Variants in HLCS observed in about 807,000 individuals in gnomAD.
HLCS encodes holocarboxylase synthetase.
A neutral mutation model predicts 75.0 loss-of-function variants in HLCS; 53 were observed. The ratio of observed to expected loss-of-function variants is 0.71; its 90% confidence interval spans 0.57 to 0.89. The LOEUF is 0.89. Among genes scored for constraint, HLCS ranks in the 40% least tolerant of loss-of-function variants. The pLI is 0.00. For missense variants in HLCS, 966 were observed against 1,074.0 expected, an observed-to-expected ratio of 0.90 and a Z score of 1.41; for synonymous variants, 431 against 428.6, an observed-to-expected ratio of 1.01 and a Z score of -0.07.
At chr21:36,767,167 G>A in intron 7 of HLCS, 51 bp downstream of exon 7, 1 of 1,558,330 alleles carries the variant, frequency 6.4e-7, no homozygotes, top group Non-Finnish European at 8.9e-7. Flanking sequence ...CACAAGAGTT[G>A]CAGAGTTTAG....
intron 6 of HLCS, among the ~76,000 whole-genome samples, chr21:36,783,550 G>A (rs1455269985): frequency 1.3e-5 from 2 of 152,154 alleles, no homozygotes; most frequent in Admixed American, 1.3e-4. Flanking sequence ...GAGCCAGAGG[G>A]TGGTAGGTAG....
Position 36,756,662 on chromosome 21 carries a change from G to C in HLCS, c.2330C>G (p.Pro777Arg). 6.2e-7 allele frequency: 1 copy of C among 1,614,046 alleles called. No individual in the cohort carries two copies. The highest frequency in any genetic ancestry group is 1.1e-5 in the South Asian group (1 of 91,064). The change falls in exon 10 of 11, where the codon CCC (proline) becomes CGC (arginine). Residue 777 changes from proline to arginine, a missense_variant. Transcript: ENST00000674895. ...YNKQHKAELK[P>R]LRADYLIARV... ...GGCGATGAGATAATCGGCTCTTAAG[G>C]GCTTCAGTTCTGCCTTGTGTTGTTT...
chr21:36,791,143 G>A (rs1290496011), intron 6 of HLCS, among the ~76,000 whole-genome samples: 1 of 152,058 alleles, frequency 6.6e-6, no homozygotes, highest in Non-Finnish European at 1.5e-5. Context: ...CCTGCTCACC[G>A]TGCCTCAGGT....
rs117043429 is a variant in HLCS, at chr21:36,798,041, C to A, written c.1893-30756G>T. Reference sequence around the variant, plus strand: ...AGAAGCCCTCTCTGATAAGCTAACACGTGAGCAGAGACTTGAAGGAAGTGA... The same window carrying A: ...AGAAGCCCTCTCTGATAAGCTAACAAGTGAGCAGAGACTTGAAGGAAGTGA... On this transcript the variant is annotated intron_variant, in intron 6 of 10. Coordinates refer to ENST00000674895, the MANE Select transcript of HLCS (RefSeq NM_001352514.2). Among the ~76,000 whole-genome samples, 16 of 152,224 alleles carry A rather than the reference C, an allele frequency of 1.1e-4. No individual in the cohort carries two copies. In the East Asian group the frequency reaches 3.1e-3, roughly 29 times the overall value.
chr21:36,787,837 C>T (rs1717721696), intron 6 of HLCS, among the ~76,000 whole-genome samples: 1 of 152,180 alleles, frequency 6.6e-6, no homozygotes, highest in South Asian at 2.1e-4. Flanking sequence ...TACGTAGACA[C>T]TGGCTGCTGT....
intron 5 of HLCS, among the ~76,000 whole-genome samples, chr21:36,912,916 A>G (rs1034828021): frequency 2.6e-5 from 4 of 152,190 alleles, no homozygotes; most frequent in African/African-American, 9.7e-5. Context: ...ACCTCTCAGA[A>G]CAAAAGTCAT....
chr21:36,958,785 T>G (rs4817834), intron 2 of HLCS, among the ~76,000 whole-genome samples: 2 of 144,344 alleles, frequency 1.4e-5, no homozygotes, highest in Non-Finnish European at 3.0e-5. Flanking sequence ...CAAGACTCCA[T>G]CTCCAAAAAA....
At chr21:36,874,710 G>T (rs2063900558) in intron 6 of HLCS, among the ~76,000 whole-genome samples, 1 of 152,238 alleles carries the variant, frequency 6.6e-6, no homozygotes, top group Non-Finnish European at 1.5e-5. Context: ...AATGGGGGAG[G>T]TGTGGCCAGG....
chr21:36,963,514 C>A (rs908649457), intron 1 of HLCS, among the ~76,000 whole-genome samples: 4 of 152,202 alleles, frequency 2.6e-5, no homozygotes. Context: ...GTAATCCCAG[C>A]ACTTTGGGAG....
intron 6 of HLCS, among the ~76,000 whole-genome samples, chr21:36,825,103 A>G (rs948945490): frequency 1.3e-5 from 2 of 152,234 alleles, no homozygotes; most frequent in African/African-American, 4.8e-5. Context: ...AAATTATAGT[A>G]TGAGGCCAGG....
Position 36,759,802 on chromosome 21 carries a change from A to C in HLCS, c.2161T>G (p.Tyr721Asp). 1 of 1,613,618 alleles carries C rather than the reference A, an allele frequency of 6.2e-7. No homozygotes were observed. The highest frequency in any genetic ancestry group is 8.5e-7 in the Non-Finnish European group (1 of 1,179,468). The change falls in exon 9 of 11, where the codon TAC becomes GAC. Residue 721 changes from tyrosine to aspartate, a missense_variant. By Grantham distance (160) the Tyr-to-Asp change is radical (BLOSUM62 -3). Transcript: ENST00000674895. Reference sequence around the variant, plus strand: ...CCGCCGATCTTCATGAGGTCACTGTAATAAATATCGTTGGGCCACTTCACT... The same window carrying C: ...CCGCCGATCTTCATGAGGTCACTGTCATAAATATCGTTGGGCCACTTCACT... Reference protein sequence around the residue: ...LRVKWPNDIYYSDLMKIGGVL... With the variant: ...LRVKWPNDIYDSDLMKIGGVL...
At chr21:36,915,068 T>C (rs533709696) in intron 5 of HLCS, among the ~76,000 whole-genome samples, 3 of 152,318 alleles carry the variant, frequency 2.0e-5, no homozygotes, top group South Asian at 4.1e-4. Context: ...GATGCTGACA[T>C]GTCCCCCCGC....
At chr21:36,837,188 A>G (rs2062444448) in intron 6 of HLCS, among the ~76,000 whole-genome samples, 1 of 152,228 alleles carries the variant, frequency 6.6e-6, no homozygotes, top group Non-Finnish European at 1.5e-5. Flanking sequence ...GTCTCAAAAA[A>G]CAAAACAAAC....
At chr21:36,803,592 A>G (rs1200133639) in intron 6 of HLCS, among the ~76,000 whole-genome samples, 1 of 152,238 alleles carries the variant, frequency 6.6e-6, no homozygotes, top group Non-Finnish European at 1.5e-5. Context: ...TTTGGCTGTA[A>G]GAAGTATCCC....
chr21:36,837,812 C>T (rs78920764), intron 6 of HLCS, among the ~76,000 whole-genome samples: 18,175 of 152,022 alleles, frequency 0.12, 1,896 homozygotes, highest in African/African-American at 0.27. Context: ...CGGTCCAGCC[C>T]AGCCCCTGTT....
intron 1 of HLCS, among the ~76,000 whole-genome samples, chr21:36,980,054 A>AT (rs2069069736): frequency 2.9e-5 from 4 of 138,340 alleles, no homozygotes; most frequent in South Asian, 2.3e-4. Flanking sequence ...AAAAAAAAAA[A>AT]GGCTGGGTGT....
chr21:36,883,522 G>A (rs778826189), intron 6 of HLCS, among the ~76,000 whole-genome samples: 1 of 152,338 alleles, frequency 6.6e-6, no homozygotes, highest in African/African-American at 2.4e-5. Context: ...ATCTAAAAAA[G>A]TTTCTACTTA....
chr21:36,844,902 A>C (rs1173665134), intron 6 of HLCS, among the ~76,000 whole-genome samples: 1 of 152,198 alleles, frequency 6.6e-6, no homozygotes, highest in Non-Finnish European at 1.5e-5. Context: ...CAGATGTTGG[A>C]GACCTATTAA....
At chr21:36,931,898 C>T (rs565672915) in intron 4 of HLCS, among the ~76,000 whole-genome samples, 38 of 152,288 alleles carry the variant, frequency 2.5e-4, no homozygotes, top group African/African-American at 8.4e-4. Context: ...TGGGTCCGTA[C>T]GCTCTCCCCA....
Sources: allele counts gnomAD v4.1 joint callset (sites outside exome capture counted in the v4.1 genomes callset), GRCh38; gene constraint gnomAD v4.1.1; transcripts MANE v1.5; gene names NCBI Gene and HGNC (gene_info 2026-07-23, HGNC 2026-07-21).